The following ANGEL1 variants were observed in gnomAD, a reference collection of about 807,000 sequenced individuals.
ANGEL1 encodes the protein RNA 2',3'-cyclic phosphatase ANGEL1.
Under a neutral mutation model 76.4 loss-of-function variants are expected in ANGEL1, and 62 were observed. The observed-to-expected ratio is 0.81, with a 90% CI of 0.66 to 1.00. ANGEL1 has a LOEUF of 1.00. ANGEL1 is among the 50% of genes least tolerant of loss of function. The pLI is 0.00. For missense variants in ANGEL1, 737 were observed against 836.7 expected (o/e 0.88, Z 1.47); for synonymous variants, 340 against 331.7 (o/e 1.03, Z -0.27).
At chr14:76,791,177 G>T in intron 8 of ANGEL1, 120 bp downstream of exon 8, 2 of 1,101,278 alleles carry the variant, frequency 1.8e-6, no homozygotes. Context: ...AGATATTAGG[G>T]GAAAAAGAGC....
At chr14:76,811,091 A>G (rs1265526537) in intron 1 of ANGEL1, among the ~76,000 whole-genome samples, 1 of 152,240 alleles carries the variant, frequency 6.6e-6, no homozygotes, top group Non-Finnish European at 1.5e-5. Flanking sequence ...GACATTTAGC[A>G]ACGTTCAGAG....
chr14:76,807,384 CAA>C, intron 4 of ANGEL1, 47 bp downstream of exon 4: 2 of 1,560,570 alleles, frequency 1.3e-6, no homozygotes, highest in Non-Finnish European at 1.8e-6. Context: ...AGAGAGTAGA[CAA>C]GTCTGTGGAA....
chr14:76,795,807 T>C (rs776184472), intron 7 of ANGEL1, among the ~76,000 whole-genome samples: 4 of 152,244 alleles, frequency 2.6e-5, no homozygotes, highest in Non-Finnish European at 5.9e-5. Context: ...TTGTGATTCT[T>C]GATTCCGCTG....
chr14:76,790,329 C>A (rs1010185211), intron 9 of ANGEL1, among the ~76,000 whole-genome samples: 3 of 152,182 alleles, frequency 2.0e-5, no homozygotes, highest in African/African-American at 7.2e-5. Flanking sequence ...TGTCATTAAA[C>A]AAACTCAACC....
intron 7 of ANGEL1, among the ~76,000 whole-genome samples, chr14:76,793,170 A>G (rs1894455818): frequency 6.6e-6 from 1 of 151,440 alleles, no homozygotes; most frequent in Admixed American, 6.6e-5. Flanking sequence ...AATTTAATAA[A>G]AAGTGTAGGC....
chr14:76,795,362 T>C (rs1390824189), intron 7 of ANGEL1, among the ~76,000 whole-genome samples: 1 of 152,194 alleles, frequency 6.6e-6, no homozygotes, highest in Non-Finnish European at 1.5e-5. Context: ...GTCTATGGTA[T>C]ATTGGTCTTT....
At chr14:76,802,238 C>T (rs931111601) in intron 7 of ANGEL1, among the ~76,000 whole-genome samples, 6 of 152,048 alleles carry the variant, frequency 3.9e-5, no homozygotes, top group Non-Finnish European at 7.4e-5. Context: ...ATCGTAATTT[C>T]TATGAGCTCC....
chr14:76,794,314 A>G (rs1894509408), intron 7 of ANGEL1, among the ~76,000 whole-genome samples: 1 of 152,202 alleles, frequency 6.6e-6, no homozygotes, highest in African/African-American at 2.4e-5. Flanking sequence ...CTGTTCAAAA[A>G]AAAGGATATG....
chr14:76,806,441 T>C lies in ANGEL1; in HGVS notation c.1355A>G (p.Gln452Arg), dbSNP rs371104368. 7.4e-6 allele frequency: 12 copies of C among 1,613,776 alleles called. No homozygotes were observed. Among genetic ancestry groups the C allele is most frequent in the Non-Finnish European group, 9.3e-6 (11 of 1,179,846 alleles). Residue 452 changes from glutamine to arginine, a missense_variant, in exon 5 of 10, where the codon CAG becomes CGG. By Grantham distance (43) the Gln-to-Arg change is conservative. Coordinates refer to ENST00000251089, the MANE Select transcript of ANGEL1 (RefSeq NM_015305.4). ...CTTCCAGGCTGGCATCCCATGGTAC[T>C]GGAGCTCTCCATCCCTGATGAAGTT... ...LYNFIRDGEL[Q>R]YHGMPAWKVS... is the part of the protein sequence containing the mutation.
chr14:76,806,506 C>G lies in ANGEL1; in HGVS notation c.1290G>C (p.Leu430Phe), dbSNP rs1894921783. 1.9e-6 allele frequency: 3 copies of G among 1,614,242 alleles called. No homozygotes were observed. The East Asian group carries it at 6.7e-5, about 36-fold the overall frequency. Residue 430 changes from leucine (L) to phenylalanine (F), a missense_variant, in exon 5 of 10, where the codon TTG (leucine) becomes TTC (phenylalanine). Leu to Phe is a conservative substitution (Grantham distance 22). This residue lies in a region of ANGEL1 where 296 missense variants were observed against 387.2 expected (regional missense o/e 0.76). Transcript: ENST00000251089. Reference sequence around the variant, plus strand: ...CAGGGACAGAATTTAGGTCCCCGCACAAGATGATGGGGCAGTGGCTGCCAT... The same window carrying G: ...CAGGGACAGAATTTAGGTCCCCGCAGAAGATGATGGGGCAGTGGCTGCCAT... Reference protein sequence around the residue: ...LSDGSHCPIILCGDLNSVPDS... With the variant: ...LSDGSHCPIIFCGDLNSVPDS...
chr14:76,808,076 G>C lies in ANGEL1; in HGVS notation c.722C>G (p.Pro241Arg). 2 of 1,614,046 alleles carry C rather than the reference G, an allele frequency of 1.2e-6. No homozygotes were observed. The highest frequency in any genetic ancestry group is 2.2e-5 in the East Asian group (1 of 44,880). The change falls in exon 3 of 10, where the codon CCT becomes CGT. Residue 241 changes from proline (P) to arginine (R), a missense_variant. By Grantham distance (103) the Pro-to-Arg change is moderately radical (BLOSUM62 -2). Around this residue, in one of 2 missense-constraint regions of ANGEL1, gnomAD observed 441 missense variants for 449.5 expected, o/e 0.98. Coordinates refer to ENST00000251089, the MANE Select transcript of ANGEL1 (RefSeq NM_015305.4). ...DAQGLKAGDGPQFQFTLMSYN... is the reference protein window; with the variant it reads ...DAQGLKAGDGRQFQFTLMSYN... ...AGACATCAGAGTGAACTGGAACTGA[G>C]GGCCATCTCCTGCCTTCAGGCCCTG... is the stretch of plus-strand genomic sequence containing the variant.
At chr14:76,793,551 T>A (rs1293058482) in intron 7 of ANGEL1, among the ~76,000 whole-genome samples, 1 of 4,154 alleles carries the variant, frequency 2.4e-4, no homozygotes, top group Non-Finnish European at 4.0e-4. Flanking sequence ...CTGGTTGGTT[T>A]TTTTGGTTTT....
At chr14:76,809,777 C>T in intron 1 of ANGEL1, 134 bp from the exon 2 acceptor site, 2 of 705,958 alleles carry the variant, frequency 2.8e-6, no homozygotes, top group Non-Finnish European at 4.8e-6. Context: ...CTGAGCCTGC[C>T]TACCTTAATG....
intron 5 of ANGEL1, 82 bp downstream of exon 5, chr14:76,806,334 G>A: frequency 6.9e-7 from 1 of 1,454,922 alleles, no homozygotes; most frequent in South Asian, 1.4e-5. Flanking sequence ...TGAGGTCCCT[G>A]CCACAGAAGA....
chr14:76,798,504 A>C (rs990363146), intron 7 of ANGEL1, among the ~76,000 whole-genome samples: 10 of 152,204 alleles, frequency 6.6e-5, no homozygotes, highest in African/African-American at 2.4e-4. Flanking sequence ...AAAGCTATCC[A>C]GTTTATGGTA....
chr14:76,795,841 T>C (rs1255613079), intron 7 of ANGEL1, among the ~76,000 whole-genome samples: 1 of 152,234 alleles, frequency 6.6e-6, no homozygotes, highest in East Asian at 1.9e-4. Flanking sequence ...GTTCCTGCTC[T>C]TTTCCCACTT....
At chr14:76,803,737 CA>C in intron 6 of ANGEL1, 48 bp downstream of exon 6, 1 of 1,557,982 alleles carries the variant, frequency 6.4e-7, no homozygotes, top group Non-Finnish European at 8.7e-7. Flanking sequence ...AGCTTTCTCC[CA>C]AAATGGGCAT....
At chr14:76,793,167 T>A (rs1894455620) in intron 7 of ANGEL1, among the ~76,000 whole-genome samples, 1 of 150,688 alleles carries the variant, frequency 6.6e-6, no homozygotes, top group Admixed American at 6.6e-5. Context: ...AAAAATTTAA[T>A]AAAAAGTGTA....
At chr14:76,806,896 C>T (rs999442621) in intron 4 of ANGEL1, 47 bp from the exon 5 acceptor site, 1 of 1,573,132 alleles carries the variant, frequency 6.4e-7, no homozygotes, top group African/African-American at 1.4e-5. Context: ...TCCTTAAAGC[C>T]TGAATCCCTT....
Sources: allele counts gnomAD v4.1 joint callset (sites outside exome capture counted in the v4.1 genomes callset), GRCh38; gene constraint gnomAD v4.1.1; regional missense constraint gnomAD v4.1.1; transcripts MANE v1.5; gene names NCBI Gene and HGNC (gene_info 2026-07-23, HGNC 2026-07-21).